The following CNTNAP4 variants were observed in gnomAD, a reference collection of about 807,000 sequenced individuals.
CNTNAP4 encodes contactin-associated protein-like 4.
A neutral mutation model predicts 148.4 loss-of-function variants in CNTNAP4; 98 were observed. The observed-to-expected ratio is 0.66, with a 90% CI of 0.56 to 0.78. The LOEUF is 0.78. Among genes scored for constraint, CNTNAP4 ranks in the 30% least tolerant of loss-of-function variants. The probability of loss-of-function intolerance (pLI) is 0.00; values close to 1 mark genes in which losing one functional copy is unlikely to be tolerated. For missense variants in CNTNAP4, 1,935 were observed against 1,565.6 expected (o/e 1.24, Z -3.98); for synonymous variants, 730 against 565.1 (o/e 1.29, Z -4.14).
At chr16:76,291,483 C>A (rs1959113577) in intron 1 of CNTNAP4, among the ~76,000 whole-genome samples, 1 of 152,126 alleles carries the variant, frequency 6.6e-6, no homozygotes, top group Non-Finnish European at 1.5e-5. Context: ...ATTTCCATAG[C>A]CATTATCACA....
intron 11 of CNTNAP4, among the ~76,000 whole-genome samples, chr16:76,478,553 A>G (rs908339211): frequency 1.8e-4 from 28 of 152,230 alleles, no homozygotes; most frequent in African/African-American, 6.5e-4. Flanking sequence ...AGATTCAGGG[A>G]CAAATATTCA....
chr16:76,427,685 A>C, intron 4 of CNTNAP4, 86 bp downstream of exon 4: 1 of 1,299,634 alleles, frequency 7.7e-7, no homozygotes, highest in Non-Finnish European at 1.0e-6. Flanking sequence ...TGGACTTTTT[A>C]GCTACATAAA....
rs749469754 is a variant in CNTNAP4, at chr16:76,427,603, A to G, written c.538+4A>G. On this transcript the variant is annotated splice_donor_region_variant and intron_variant, in intron 4 of 23. Coordinates refer to ENST00000611870, the MANE Select transcript of CNTNAP4 (RefSeq NM_033401.5). ...GAAGTGTTCGGATGTGCATACAGTA[A>G]GTGTTTGTTTATCCAATACACTGAC... 1.9e-6 allele frequency: 3 copies of G among 1,601,498 alleles called. No homozygotes were observed. The Admixed American group carries it at 5.3e-5, about 28-fold the overall frequency.
chr16:76,362,925 AAAG>A (rs924908125), intron 3 of CNTNAP4, among the ~76,000 whole-genome samples: 3 of 152,112 alleles, frequency 2.0e-5, no homozygotes, highest in African/African-American at 7.2e-5. Context: ...AATAAGGAAA[AAAG>A]AATACACAAT....
chr16:76,324,869 C>T (rs978325057), intron 2 of CNTNAP4, among the ~76,000 whole-genome samples: 1 of 152,112 alleles, frequency 6.6e-6, no homozygotes, highest in Non-Finnish European at 1.5e-5. Flanking sequence ...CAATGTAAAC[C>T]TAATTACCTC....
intron 2 of CNTNAP4, among the ~76,000 whole-genome samples, chr16:76,322,113 T>C (rs1962483541): frequency 6.6e-6 from 1 of 152,154 alleles, no homozygotes; most frequent in African/African-American, 2.4e-5. Flanking sequence ...ACTCATGATA[T>C]CCAGAATCCG....
At chr16:76,323,757 C>G (rs375203813) in intron 2 of CNTNAP4, among the ~76,000 whole-genome samples, 1 of 152,134 alleles carries the variant, frequency 6.6e-6, no homozygotes. Context: ...CCTTTATCGT[C>G]CTTGTCTGCT....
intron 2 of CNTNAP4, among the ~76,000 whole-genome samples, chr16:76,320,398 T>A (rs971251292): frequency 6.6e-6 from 1 of 152,304 alleles, no homozygotes; most frequent in African/African-American, 2.4e-5. Flanking sequence ...TCAGACTTGA[T>A]GGTTTGGAAC....
chr16:76,379,212 T>C (rs1159764409), intron 3 of CNTNAP4, among the ~76,000 whole-genome samples: 1 of 152,018 alleles, frequency 6.6e-6, no homozygotes, highest in Admixed American at 6.6e-5. Flanking sequence ...ACATGGGAAA[T>C]GGGAGGAAAG....
At chr16:76,323,414 A>T (rs1165990725) in intron 2 of CNTNAP4, among the ~76,000 whole-genome samples, 1 of 152,204 alleles carries the variant, frequency 6.6e-6, no homozygotes, top group Non-Finnish European at 1.5e-5. Context: ...TTTTATGATC[A>T]GTGATGTATC....
intron 4 of CNTNAP4, among the ~76,000 whole-genome samples, chr16:76,433,597 C>T (rs927449715): frequency 1.3e-5 from 2 of 152,022 alleles, no homozygotes; most frequent in African/African-American, 4.8e-5. Context: ...CAGACATTTA[C>T]CTGGGTGAGG....
intron 15 of CNTNAP4, among the ~76,000 whole-genome samples, chr16:76,500,721 A>G (rs1203195280): frequency 6.6e-6 from 1 of 151,872 alleles, no homozygotes; most frequent in Non-Finnish European, 1.5e-5. Flanking sequence ...CCAGAATTTT[A>G]AAGTTCAAAT....
intron 12 of CNTNAP4, among the ~76,000 whole-genome samples, chr16:76,482,917 A>G (rs2081888652): frequency 6.6e-6 from 1 of 152,246 alleles, no homozygotes; most frequent in South Asian, 2.1e-4. Flanking sequence ...AAACTTCAGT[A>G]TGCACTGGCA....
chr16:76,336,679 A>G (rs1167662881), intron 2 of CNTNAP4, among the ~76,000 whole-genome samples: 1 of 152,218 alleles, frequency 6.6e-6, no homozygotes, highest in Non-Finnish European at 1.5e-5. Flanking sequence ...TCTTTAGCAT[A>G]GCTTAAATAA....
At chr16:76,306,325 G>A (rs1960476320) in intron 1 of CNTNAP4, among the ~76,000 whole-genome samples, 1 of 152,110 alleles carries the variant, frequency 6.6e-6, no homozygotes. Context: ...TTTTTCTGAA[G>A]ATCTGTCTTT....
intron 8 of CNTNAP4, among the ~76,000 whole-genome samples, chr16:76,455,688 T>G (rs1197338093): frequency 6.6e-6 from 1 of 152,264 alleles, no homozygotes; most frequent in Non-Finnish European, 1.5e-5. Flanking sequence ...GGCACTTCAG[T>G]GCGCTGAAAT....
At chr16:76,533,236 A>T (rs1015412480) in intron 17 of CNTNAP4, among the ~76,000 whole-genome samples, 1 of 152,220 alleles carries the variant, frequency 6.6e-6, no homozygotes, top group African/African-American at 2.4e-5. Flanking sequence ...TAAACCAGGA[A>T]CAGAAAGTTA....
intron 12 of CNTNAP4, among the ~76,000 whole-genome samples, chr16:76,481,826 T>C (rs150768710): frequency 1.3e-5 from 2 of 152,162 alleles, no homozygotes; most frequent in African/African-American, 4.8e-5. Context: ...TTACCAGGTG[T>C]GTTCAGAAAA....
intron 3 of CNTNAP4, among the ~76,000 whole-genome samples, chr16:76,410,483 G>C (rs563564099): frequency 6.6e-6 from 1 of 151,808 alleles, no homozygotes; most frequent in African/African-American, 2.4e-5. Flanking sequence ...ACATCTGGCA[G>C]TGTTTCAAAA....
Sources: gnomAD v4.1 joint callset for allele counts (sites outside exome capture counted in the v4.1 genomes callset) on GRCh38, gnomAD v4.1.1 for gene constraint, MANE v1.5 for transcripts, NCBI Gene and HGNC (gene_info 2026-07-23, HGNC 2026-07-21) for gene names.